The following CAST variants were observed in gnomAD, a reference collection of about 807,000 sequenced individuals.
CAST encodes the protein MIR583 host.
Under a neutral mutation model 119.6 loss-of-function variants are expected in CAST, and 76 were observed. The ratio of observed to expected loss-of-function variants is 0.64; its 90% CI spans 0.53 to 0.77. The LOEUF is 0.77. Among genes scored for constraint, CAST ranks in the 30% least tolerant of loss-of-function variants. The pLI, the probability that CAST is intolerant of heterozygous loss-of-function variation, is 0.00. For missense variants in CAST, 953 were observed against 946.5 expected (o/e 1.01, Z -0.09); for synonymous variants, 319 against 331.6 (o/e 0.96, Z 0.41).
the CAST span, chr5:96,390,832 G>A: frequency 6.6e-6 from 1 of 152,588 alleles, no homozygotes; most frequent in Non-Finnish European, 1.5e-5. Flanking sequence ...TATACTCCAG[G>A]TTGGAAACAT....
chr5:96,036,648 C>T, the CAST span, among the ~76,000 whole-genome samples: 1 of 152,118 alleles, frequency 6.6e-6, no homozygotes, highest in Non-Finnish European at 1.5e-5. Flanking sequence ...CAAGCTGAAT[C>T]TCTAGTGAAT....
At chr5:96,745,120 C>T (rs1763490422) in intron 16 of CAST, among the ~76,000 whole-genome samples, 1 of 152,192 alleles carries the variant, frequency 6.6e-6, no homozygotes, top group Admixed American at 6.5e-5. Flanking sequence ...ATACAGGTGA[C>T]CCTGGATGTT....
intron 9 of CAST, among the ~76,000 whole-genome samples, chr5:96,735,563 A>G (rs896927418): frequency 6.6e-6 from 1 of 152,258 alleles, no homozygotes; most frequent in Non-Finnish European, 1.5e-5. Context: ...CATAGATGCC[A>G]CAATAGGATC....
intron 1 of CAST, among the ~76,000 whole-genome samples, chr5:96,535,557 A>G (rs1017190024): frequency 2.0e-5 from 3 of 149,706 alleles, no homozygotes; most frequent in African/African-American, 7.4e-5. Flanking sequence ...TTTTATGTAA[A>G]TAAACAATTT....
the CAST span, among the ~76,000 whole-genome samples, chr5:96,108,433 C>A: frequency 1.3e-5 from 2 of 152,152 alleles, no homozygotes; most frequent in East Asian, 1.9e-4. Context: ...TGTTAGTTTT[C>A]CTTCTAACAG....
intron 2 of CAST, among the ~76,000 whole-genome samples, chr5:96,677,764 G>A (rs933519465): frequency 6.6e-6 from 1 of 152,268 alleles, no homozygotes; most frequent in Non-Finnish European, 1.5e-5. Context: ...CATGGCTTTA[G>A]ACAAAATAAA....
At chr5:96,051,302 T>A in the CAST span, among the ~76,000 whole-genome samples, 2 of 152,096 alleles carry the variant, frequency 1.3e-5, no homozygotes, top group Non-Finnish European at 2.9e-5. Context: ...CAACAATATA[T>A]GTGGGAGTTG....
the CAST span, chr5:96,423,316 G>C: frequency 1.2e-6 from 2 of 1,608,264 alleles, no homozygotes; most frequent in Non-Finnish European, 1.7e-6. Context: ...CACTTACATA[G>C]TTGGCATAAA....
the CAST span, among the ~76,000 whole-genome samples, chr5:95,971,236 A>G: frequency 6.6e-6 from 1 of 152,118 alleles, no homozygotes; most frequent in African/African-American, 2.4e-5. Context: ...TCTTTTTTAA[A>G]GTTTGTATCT....
chr5:96,146,097 G>A, the CAST span, among the ~76,000 whole-genome samples: 1 of 152,176 alleles, frequency 6.6e-6, no homozygotes, highest in Admixed American at 6.5e-5. Context: ...TTAAGGGGGT[G>A]GAGAAACAGA....
At chr5:96,732,828 A>T (rs139451917) in intron 9 of CAST, among the ~76,000 whole-genome samples, 83 of 152,346 alleles carry the variant, frequency 5.4e-4, no homozygotes, top group African/African-American at 1.9e-3. Flanking sequence ...AAAGCAATAT[A>T]GAATTAGTAA....
At chr5:96,085,091 C>T in the CAST span, among the ~76,000 whole-genome samples, 40 of 152,268 alleles carry the variant, frequency 2.6e-4, no homozygotes, top group South Asian at 8.1e-3. Context: ...CAGGAAGTAT[C>T]CTACAGCTCT....
rs151080688 is a variant in CAST, at chr5:96,537,126, T to A, written c.60+7246T>A. Among the ~76,000 whole-genome samples the A allele has an allele frequency of 4.6e-3, 702 of 152,320 alleles. 5 individuals are homozygous for A. Among genetic ancestry groups the A allele is most frequent in the African/African-American group, 0.016 (664 of 41,570 alleles). On this transcript the variant is annotated intron_variant, in intron 1 of 11. Transcript: ENST00000505143. ...ATACAGTGGCTGGAATATTTGAACT[T>A]CCCTGACTGCCTGCTGCCTTGTTGG...
At chr5:96,033,825 T>G in the CAST span, among the ~76,000 whole-genome samples, 1 of 152,284 alleles carries the variant, frequency 6.6e-6, no homozygotes, top group East Asian at 1.9e-4. Flanking sequence ...TTAAAAAGTT[T>G]CTATGTGGCA....
chr5:96,536,768 C>T (rs1745823338), intron 1 of CAST, among the ~76,000 whole-genome samples: 1 of 152,228 alleles, frequency 6.6e-6, no homozygotes, highest in East Asian at 1.9e-4. Flanking sequence ...AGAAATGCTC[C>T]CCTCCCAAAT....
chr5:96,737,042 C>A (rs1038110912), intron 10 of CAST, among the ~76,000 whole-genome samples: 2 of 152,144 alleles, frequency 1.3e-5, no homozygotes, highest in Non-Finnish European at 2.9e-5. Flanking sequence ...TAAAACCATC[C>A]AATCTCATGA....
rs144943508 is a variant in CAST, at chr5:96,603,909, G to T, written c.61-71630G>T. On this transcript the variant is annotated intron_variant, in intron 1 of 11. Coordinates refer to the CAST transcript ENST00000505143. ...CTCCAGAGTAGCTGGGACTACAGGT[G>T]CATGCCACCATGCCAGGCTAATTTT... 3.1e-3 allele frequency among the ~76,000 whole-genome samples: 474 copies of T among 151,838 alleles called. 4 individuals carry two copies. Among genetic ancestry groups the T allele is most frequent in the African/African-American group, 0.011 (457 of 41,414 alleles).
At chr5:96,196,136 T>G in the CAST span, among the ~76,000 whole-genome samples, 83 of 150,252 alleles carry the variant, frequency 5.5e-4, 1 homozygote, top group Admixed American at 5.3e-3. Context: ...TTTCAACCAT[T>G]AATGGAAGGC....
At chr5:96,602,954 C>A (rs1490110166) in intron 1 of CAST, among the ~76,000 whole-genome samples, 4 of 152,094 alleles carry the variant, frequency 2.6e-5, no homozygotes, top group Non-Finnish European at 4.4e-5. Flanking sequence ...AAGAAAGGGG[C>A]CTCTGTGTTC....
Sources: allele counts gnomAD v4.1 joint callset (sites outside exome capture counted in the v4.1 genomes callset), GRCh38; gene constraint gnomAD v4.1.1; transcripts MANE v1.5; gene names NCBI Gene and HGNC (gene_info 2026-07-23, HGNC 2026-07-21).